The following CHAF1B variants were observed in gnomAD, a reference collection of about 807,000 sequenced individuals.
CHAF1B encodes the protein CAF-1 subunit B.
A neutral mutation model predicts 60.7 loss-of-function variants in CHAF1B; 10 were observed. That is an observed-to-expected ratio of 0.16 (90% CI 0.10 to 0.28). The LOEUF is 0.28. Among genes scored for constraint, CHAF1B ranks in the 10% least tolerant of loss-of-function variants. CHAF1B has a pLI of 1.00. For synonymous variants in CHAF1B, 261 were observed against 266.1 expected, an observed-to-expected ratio of 0.98 and a Z score of 0.19; for missense variants, 558 against 708.4, an observed-to-expected ratio of 0.79 and a Z score of 2.41.
rs1224293882 is a variant in CHAF1B at position 36,409,393 on chromosome 21, T to C, written c.847T>C (p.Cys283Arg). Reference protein sequence around the residue: ...NLKRPIAHLPCPGKATLAVRC... With the variant: ...NLKRPIAHLPRPGKATLAVRC... ...CATTAGGCCCATCGCTCATCTTCCA[T>C]GTCCTGGAAAAGCCACTCTTGCTGT... is the stretch of plus-strand genomic sequence containing the variant. Residue 283 changes from cysteine to arginine, a missense_variant, in exon 10 of 14, where the codon TGT becomes CGT. This residue lies in a region of CHAF1B where 325 missense variants were observed against 493.5 expected (regional missense o/e 0.66). Transcript: ENST00000314103. The C allele has an allele frequency of 3.7e-6, 6 of 1,613,740 alleles. No homozygotes were observed. In the South Asian group the frequency reaches 4.4e-5, roughly 12 times the overall value.
At chr21:36,395,966 G>A (rs1359423359) in intron 5 of CHAF1B, among the ~76,000 whole-genome samples, 1 of 151,696 alleles carries the variant, frequency 6.6e-6, no homozygotes, top group Non-Finnish European at 1.5e-5. Context: ...GTCCAGCCAA[G>A]CCATCCTCCA....
chr21:36,397,313 C>G (rs1489260949), intron 5 of CHAF1B, 102 bp from the exon 6 acceptor site: 1 of 472,632 alleles, frequency 2.1e-6, no homozygotes. Flanking sequence ...CTGAGTGATG[C>G]GTGGTAAAGG....
chr21:36,387,131 G>C (rs569921621), intron 2 of CHAF1B, among the ~76,000 whole-genome samples: 3 of 152,128 alleles, frequency 2.0e-5, no homozygotes, highest in East Asian at 3.9e-4. Flanking sequence ...GGCGGAGGGG[G>C]ACAGTAGACA....
intron 8 of CHAF1B, among the ~76,000 whole-genome samples, chr21:36,403,885 A>G (rs1378318717): frequency 6.6e-6 from 1 of 152,144 alleles, no homozygotes; most frequent in African/African-American, 2.4e-5. Context: ...TTGGTTTGCC[A>G]CTGAGTCCCA....
intron 8 of CHAF1B, among the ~76,000 whole-genome samples, chr21:36,407,809 C>G (rs2086249499): frequency 1.3e-5 from 2 of 152,054 alleles, no homozygotes; most frequent in Admixed American, 6.6e-5. Flanking sequence ...GAAACCCCCT[C>G]TCTACTAAAA....
Position 36,402,838 on chromosome 21 carries a change from G to T in CHAF1B, c.744G>T (p.Leu248Phe). Residue 248 changes from leucine to phenylalanine, a missense_variant, in exon 8 of 14, where the codon TTG becomes TTT. Leu to Phe is a conservative substitution (Grantham distance 22, BLOSUM62 0). Transcript: ENST00000314103. ...TGAGTTTCACTCCCGACGGATCTTT[G>T]CTTCTCACGCCAGGTGTGTTTCGTA... ...RRLSFTPDGS[L>F]LLTPAGCVES... The T allele has an allele frequency of 6.2e-7, 1 of 1,613,718 alleles. No homozygotes were observed. The highest frequency in any genetic ancestry group is 2.2e-5 in the East Asian group (1 of 44,868).
intron 8 of CHAF1B, among the ~76,000 whole-genome samples, chr21:36,408,405 A>C (rs150924553): frequency 6.6e-6 from 1 of 152,282 alleles, no homozygotes; most frequent in East Asian, 1.9e-4. Context: ...CTAGGGAGAA[A>C]GGAGCCTGGG....
In CHAF1B at chr21:36,413,306, C is replaced by T. The variant is rs2086293468; in HGVS notation, c.1484C>T (p.Thr495Ile). 6.4e-7 allele frequency: 1 copy of T among 1,571,666 alleles called. No individual in the cohort carries two copies. Among genetic ancestry groups the T allele is most frequent in the Non-Finnish European group, 8.6e-7 (1 of 1,161,248 alleles). Residue 495 changes from threonine (T) to isoleucine (I), a missense_variant, in exon 12 of 14, where the codon ACA becomes ATA. By Grantham distance (89) the Thr-to-Ile change is moderately conservative (BLOSUM62 -1). Transcript: ENST00000314103. The stretch of plus-strand genomic sequence containing the variant: ...AACACACTGCAAGCCTGGAGCAAGA[C>T]AACACCCCGGTAAGAACTTGTTGGA... ...TLNTLQAWSK[T>I]TPRRINLTPL...
At position 36,400,569 on chromosome 21, in the gene CHAF1B, G is replaced by A. The variant is rs1287441653; in HGVS notation, c.663+964G>A. On this transcript the variant is annotated intron_variant, in intron 7 of 13. Coordinates refer to ENST00000314103, the MANE Select transcript of CHAF1B (RefSeq NM_005441.3). ...ATTCACTTGGCTGGAGGTAAGCAGG[G>A]CCTCCATGATTCTCAGGTATAGCAA... 7.2e-5 allele frequency among the ~76,000 whole-genome samples: 11 copies of A among 152,278 alleles called. No individual in the cohort carries two copies. In the South Asian group the frequency reaches 2.3e-3, roughly 32 times the overall value.
At position 36,402,657 on chromosome 21, in the gene CHAF1B, G is replaced by A. The variant is rs891822123; in HGVS notation, c.664-101G>A. ...AACCATAGGCACATATAGCAGTTGG[G>A]AAGCGTTTATTTGTGAGTGTAAAGA... On this transcript the variant is annotated intron_variant, in intron 7 of 13. Transcript: ENST00000314103. The A allele has an allele frequency of 1.2e-5, 10 of 859,512 alleles. No homozygotes were observed. The African/African-American group carries it at 1.2e-4, about 10-fold the overall frequency. The allele number at this position is 859,512 out of a possible 1,614,324, so 53.2% of individuals were successfully genotyped here. A position where few individuals can be genotyped will look rare whatever the true frequency, so the allele number is the denominator to read the frequency against.
rs1292655191 is a variant in CHAF1B, at chr21:36,399,553, G to A, written c.611G>A (p.Arg204His). ...VLRVYSIQKK[R>H]VAFNVSKMLS... Reference sequence around the variant, plus strand: ...CGAGTATACAGTATACAGAAGAAGCGTGTGGCTTTCAATGTTTCGAAGATG... The same window carrying A: ...CGAGTATACAGTATACAGAAGAAGCATGTGGCTTTCAATGTTTCGAAGATG... The change falls in exon 7 of 14, where the codon CGT (arginine) becomes CAT (histidine). Residue 204 changes from arginine to histidine, a missense_variant. This residue lies in a region of CHAF1B where 325 missense variants were observed against 493.5 expected (regional missense o/e 0.66). Transcript: ENST00000314103. The A allele has an allele frequency of 1.2e-6, 2 of 1,614,158 alleles. No individual in the cohort carries two copies. Among genetic ancestry groups the A allele is most frequent in the South Asian group, 1.1e-5 (1 of 91,088 alleles).
chr21:36,411,748 AG>A (rs957775053), intron 11 of CHAF1B, 144 bp downstream of exon 11: 1 of 976,026 alleles, frequency 1.0e-6, no homozygotes, highest in African/African-American at 1.6e-5. Flanking sequence ...TATTTTTTTG[AG>A]ACCAAGTATC....
intron 4 of CHAF1B, among the ~76,000 whole-genome samples, chr21:36,392,994 G>A (rs1362609326): frequency 2.6e-5 from 4 of 152,160 alleles, no homozygotes; most frequent in South Asian, 4.1e-4. Flanking sequence ...CAGATCACTC[G>A]CGATTAGGAG....
intron 3 of CHAF1B, among the ~76,000 whole-genome samples, chr21:36,388,669 G>T (rs1202452138): frequency 6.6e-6 from 1 of 151,996 alleles, no homozygotes; most frequent in Non-Finnish European, 1.5e-5. Flanking sequence ...GTTTCGCCTT[G>T]TCAGCCAGGC....
intron 12 of CHAF1B, 45 bp from the exon 13 acceptor site, chr21:36,415,250 T>G: frequency 8.8e-7 from 1 of 1,142,330 alleles, no homozygotes; most frequent in South Asian, 1.3e-5. Flanking sequence ...ATTCCTGTGA[T>G]ACTAATGAGC....
intron 12 of CHAF1B, among the ~76,000 whole-genome samples, chr21:36,415,062 C>G (rs1167969581): frequency 6.6e-6 from 1 of 152,178 alleles, no homozygotes; most frequent in Non-Finnish European, 1.5e-5. Flanking sequence ...TTTTCGATGA[C>G]TGGTTATGGT....
intron 10 of CHAF1B, among the ~76,000 whole-genome samples, chr21:36,410,674 CTTTT>C (rs59272936): frequency 7.0e-6 from 1 of 141,864 alleles, no homozygotes. Context: ...TTGCTGCTTT[CTTTT>C]TTTTTTTTTT....
In CHAF1B at chr21:36,417,280, A is replaced by G. The variant is rs1165037317; in HGVS notation, c.*914A>G. ...ACCCACACACACACATATATATGAT[A>G]CATATATATATATATACACACACAC... is the stretch of plus-strand genomic sequence containing the variant. On this transcript the variant is annotated 3_prime_UTR_variant, in exon 14 of 14. Transcript: ENST00000314103. 3 of 150,100 alleles carry G rather than the reference A, an allele frequency of 2.0e-5. No homozygotes were observed. Among genetic ancestry groups the G allele is most frequent in the Non-Finnish European group, 4.4e-5 (3 of 67,802 alleles). 9.3% of individuals were successfully genotyped at this position (150,100 alleles called of 1,614,324 possible).
At chr21:36,411,689 T>C (rs1282692434) in intron 11 of CHAF1B, 85 bp downstream of exon 11, 3 of 1,478,002 alleles carry the variant, frequency 2.0e-6, no homozygotes, top group Non-Finnish European at 2.8e-6. Context: ...GAGCATTTCA[T>C]TACTAAAGAT....
Sources: gnomAD v4.1 joint callset for allele counts (sites outside exome capture counted in the v4.1 genomes callset) on GRCh38, gnomAD v4.1.1 for gene constraint, gnomAD v4.1.1 regional missense constraint, MANE v1.5 for transcripts, NCBI Gene and HGNC (gene_info 2026-07-23, HGNC 2026-07-21) for gene names.